Variants in STARD13 observed in about 807,000 individuals in gnomAD.
STARD13 encodes the protein stAR-related lipid transfer protein 13.
Under a neutral mutation model 106.4 loss-of-function variants are expected in STARD13, and 62 were observed. That is an observed-to-expected ratio of 0.58 (90% CI 0.48 to 0.72). The LOEUF (loss-of-function observed/expected upper bound fraction) is 0.72. Ranked by LOEUF, STARD13 falls within the 30% of genes least tolerant of loss-of-function variation. The pLI, the probability that STARD13 is intolerant of heterozygous loss-of-function variation, is 0.00. For missense variants in STARD13, 1,387 were observed against 1,424.0 expected (o/e 0.97, Z 0.42); for synonymous variants, 565 against 553.0 (o/e 1.02, Z -0.31).
the STARD13 span, among the ~76,000 whole-genome samples, chr13:33,508,280 A>AT: frequency 6.6e-6 from 1 of 152,188 alleles, no homozygotes; most frequent in Non-Finnish European, 1.5e-5. Context: ...AGGCCAACAA[A>AT]GGAATATTTG....
chr13:33,470,065 C>T, the STARD13 span, among the ~76,000 whole-genome samples: 4 of 152,144 alleles, frequency 2.6e-5, no homozygotes, highest in Admixed American at 2.6e-4. Flanking sequence ...AACTCCCCGA[C>T]AGGCTCCACT....
chr13:33,266,867 C>A (rs955467021), intron 1 of STARD13, among the ~76,000 whole-genome samples: 2 of 152,212 alleles, frequency 1.3e-5, no homozygotes, highest in Non-Finnish European at 2.9e-5. Flanking sequence ...GCATCATACA[C>A]AATCCCAGAA....
In STARD13 at chr13:33,129,457, G is replaced by C; in HGVS notation, c.1220C>G (p.Pro407Arg). Residue 407 changes from proline (P) to arginine (R), a missense_variant, in exon 5 of 14, where the codon CCC becomes CGC. Physicochemically the swap from Pro to Arg is moderately radical, Grantham distance 103. Coordinates refer to ENST00000336934, the MANE Select transcript of STARD13 (RefSeq NM_178006.4). The stretch of plus-strand genomic sequence containing the variant: ...GAGGCTTTCAATAGAAAGTGCCTTG[G>C]GGAATGTTCCTGGTTTGTGATCCTT... ...IPKDHKPGTF[P>R]KALSIESLSP... 1 of 1,614,196 alleles carries C rather than the reference G, an allele frequency of 6.2e-7. No homozygotes were observed. The highest frequency in any genetic ancestry group is 8.5e-7 in the Non-Finnish European group (1 of 1,180,040).
At chr13:33,132,101 CG>C (rs1451786141) in intron 4 of STARD13, among the ~76,000 whole-genome samples, 1 of 152,074 alleles carries the variant, frequency 6.6e-6, no homozygotes, top group Non-Finnish European at 1.5e-5. Flanking sequence ...ATCTAGTTTC[CG>C]TGTAGGTTTG....
At chr13:33,539,918 T>C in the STARD13 span, among the ~76,000 whole-genome samples, 3 of 152,214 alleles carry the variant, frequency 2.0e-5, no homozygotes, top group Non-Finnish European at 4.4e-5. Flanking sequence ...TCACAACATA[T>C]ACTTCTGACA....
chr13:33,573,189 T>C, the STARD13 span, among the ~76,000 whole-genome samples: 1 of 152,144 alleles, frequency 6.6e-6, no homozygotes, highest in African/African-American at 2.4e-5. Context: ...ATAATGCATT[T>C]ACCTAAGAAA....
At chr13:33,642,422 G>A in the STARD13 span, among the ~76,000 whole-genome samples, 1 of 152,208 alleles carries the variant, frequency 6.6e-6, no homozygotes, top group Non-Finnish European at 1.5e-5. Context: ...CTCCAGCCAG[G>A]GAGAAGAGTC....
chr13:33,411,616 G>A, the STARD13 span, among the ~76,000 whole-genome samples: 2 of 151,980 alleles, frequency 1.3e-5, no homozygotes, highest in Non-Finnish European at 2.9e-5. Flanking sequence ...ATAGAAAGAA[G>A]TAGGTTTATT....
the STARD13 span, among the ~76,000 whole-genome samples, chr13:33,492,511 A>G: frequency 1.3e-5 from 2 of 152,184 alleles, no homozygotes; most frequent in African/African-American, 4.8e-5. Context: ...CTTTGCTGAT[A>G]AAACAGGTTG....
intron 1 of STARD13, among the ~76,000 whole-genome samples, chr13:33,324,064 G>A (rs1184150045): frequency 6.6e-6 from 1 of 152,140 alleles, no homozygotes; most frequent in Non-Finnish European, 1.5e-5. Context: ...TTCAAAGTAT[G>A]TTTTCTCTGT....
At chr13:33,180,840 T>A (rs1432573897) in intron 1 of STARD13, among the ~76,000 whole-genome samples, 2 of 152,248 alleles carry the variant, frequency 1.3e-5, no homozygotes, top group Non-Finnish European at 2.9e-5. Context: ...GAATTATACC[T>A]AGTGCCAAAT....
chr13:33,504,263 C>T, the STARD13 span, among the ~76,000 whole-genome samples: 1 of 151,906 alleles, frequency 6.6e-6, no homozygotes, highest in Non-Finnish European at 1.5e-5. Context: ...AGGTATATAC[C>T]CAAAGGATTA....
At chr13:33,199,671 T>C (rs147939047) in intron 1 of STARD13, among the ~76,000 whole-genome samples, 1 of 152,332 alleles carries the variant, frequency 6.6e-6, no homozygotes, top group East Asian at 1.9e-4. Context: ...GAGTTCCCAA[T>C]ATTGTTGTTT....
chr13:33,558,341 A>C, the STARD13 span, among the ~76,000 whole-genome samples: 1 of 152,190 alleles, frequency 6.6e-6, no homozygotes, highest in Non-Finnish European at 1.5e-5. Flanking sequence ...CAATATTTTA[A>C]AAACAAAAAA....
intron 1 of STARD13, among the ~76,000 whole-genome samples, chr13:33,253,926 A>G (rs1890209434): frequency 6.6e-6 from 1 of 152,256 alleles, no homozygotes; most frequent in Admixed American, 6.5e-5. Flanking sequence ...GCCACAGACC[A>G]TGGGGGAACA....
intron 4 of STARD13, among the ~76,000 whole-genome samples, chr13:33,137,718 G>T (rs536774656): frequency 2.0e-5 from 3 of 152,340 alleles, no homozygotes; most frequent in Middle Eastern, 3.4e-3. Context: ...GTGAGTGAGT[G>T]GGAGGTTGGA....
chr13:33,490,220 T>C, the STARD13 span, among the ~76,000 whole-genome samples: 1 of 152,056 alleles, frequency 6.6e-6, no homozygotes, highest in East Asian at 1.9e-4. Context: ...AAATAGCAAA[T>C]TGAAGGATGC....
chr13:33,477,827 G>A, the STARD13 span, among the ~76,000 whole-genome samples: 26 of 150,930 alleles, frequency 1.7e-4, no homozygotes, highest in African/African-American at 5.8e-4. Context: ...TTGAATAAAC[G>A]TAGAAATTGA....
At chr13:33,528,402 T>C in the STARD13 span, among the ~76,000 whole-genome samples, 4 of 150,818 alleles carry the variant, frequency 2.7e-5, no homozygotes, top group African/African-American at 9.8e-5. Flanking sequence ...CCGATGTAGC[T>C]GAGACCGTAG....
Sources: allele counts gnomAD v4.1 joint callset (sites outside exome capture counted in the v4.1 genomes callset), GRCh38; gene constraint gnomAD v4.1.1; transcripts MANE v1.5; gene names NCBI Gene and HGNC (gene_info 2026-07-23, HGNC 2026-07-21).